RASSF8: variants seen among roughly 807,000 people sequenced by gnomAD.
RASSF8 encodes ras association domain-containing protein 8.
Under a neutral mutation model 48.5 loss-of-function variants are expected in RASSF8, and 22 were observed. The observed-to-expected ratio is 0.45, with a 90% CI of 0.32 to 0.65. RASSF8 has a LOEUF of 0.65. Ranked by LOEUF, RASSF8 falls within the 30% of genes least tolerant of loss-of-function variation. The probability of loss-of-function intolerance (pLI) is 0.03; values close to 1 mark genes in which losing one functional copy is unlikely to be tolerated. For synonymous variants in RASSF8, 127 were observed against 171.5 expected (o/e 0.74, Z 2.03); for missense variants, 418 against 489.2 (o/e 0.85, Z 1.37).
intron 2 of RASSF8, among the ~76,000 whole-genome samples, chr12:26,052,135 A>G (rs1943504611): frequency 6.6e-6 from 1 of 152,246 alleles, no homozygotes; most frequent in Non-Finnish European, 1.5e-5. Context: ...CGTATCCACA[A>G]ATAACCCTGA....
rs1259721835 is a variant in RASSF8, at chr12:26,069,868, A to T, written c.*1050A>T. 10 of 984,544 alleles carry T rather than the reference A, an allele frequency of 1.0e-5. No homozygotes were observed. The highest frequency in any genetic ancestry group is 1.2e-5 in the Non-Finnish European group (10 of 829,112). 61.0% of individuals were successfully genotyped at this position (984,544 alleles called of 1,614,324 possible). On this transcript the variant is annotated 3_prime_UTR_variant, in exon 6 of 6. Coordinates refer to ENST00000689635, the MANE Select transcript of RASSF8 (RefSeq NM_001394098.1). Reference sequence around the variant, plus strand: ...GGTTTCTTCCAGTCACTTAGATGGAAAGGAGGTTAAACCTAGGTACTTTTT... The same window carrying T: ...GGTTTCTTCCAGTCACTTAGATGGATAGGAGGTTAAACCTAGGTACTTTTT...
chr12:26,038,225 G>A (rs532573236), intron 2 of RASSF8, among the ~76,000 whole-genome samples: 10 of 152,088 alleles, frequency 6.6e-5, no homozygotes, highest in African/African-American at 1.4e-4. Flanking sequence ...TCATGATCAC[G>A]GTCTCAGAGA....
chr12:26,025,918 A>C (rs1458853767), intron 2 of RASSF8, among the ~76,000 whole-genome samples: 1 of 152,160 alleles, frequency 6.6e-6, no homozygotes, highest in Non-Finnish European at 1.5e-5. Flanking sequence ...TCTCATGTTC[A>C]TGGATCTGTT....
Position 26,045,160 on chromosome 12 carries a change from T to G in RASSF8, c.-108-10076T>G, listed in dbSNP as rs143787563. On this transcript the variant is annotated intron_variant, in intron 2 of 5. Coordinates refer to ENST00000689635, the MANE Select transcript of RASSF8 (RefSeq NM_001394098.1). ...CTTTTCAAATTGTTTGAATGGACACTTTTTTTGTTCTCTATGAACTGAAAT... is the reference window on the plus strand; with the variant it reads ...CTTTTCAAATTGTTTGAATGGACACGTTTTTTGTTCTCTATGAACTGAAAT... 1.5e-3 allele frequency among the ~76,000 whole-genome samples: 234 copies of G among 152,292 alleles called. 1 individual carries two copies. Among genetic ancestry groups the G allele is most frequent in the African/African-American group, 5.3e-3 (222 of 41,576 alleles).
At chr12:25,994,224 G>T (rs1942078646) in intron 1 of RASSF8, among the ~76,000 whole-genome samples, 1 of 151,856 alleles carries the variant, frequency 6.6e-6, no homozygotes, top group South Asian at 2.1e-4. Context: ...TTTAACATTT[G>T]GGGGCGGTAT....
Position 26,001,110 on chromosome 12 carries a change from G to C in RASSF8, c.-109+5980G>C, listed in dbSNP as rs79194626. Reference sequence around the variant, plus strand: ...AGTGATCCTCCCGCTTCAGCCTATCGAGTAGCTGGGACTACAAGTGCATTT... The same window carrying C: ...AGTGATCCTCCCGCTTCAGCCTATCCAGTAGCTGGGACTACAAGTGCATTT... On this transcript the variant is annotated intron_variant, in intron 2 of 5. Coordinates refer to ENST00000689635, the MANE Select transcript of RASSF8 (RefSeq NM_001394098.1). Among the ~76,000 whole-genome samples, 217 of 147,852 alleles carry C rather than the reference G, an allele frequency of 1.5e-3. 1 individual carries two copies. Among genetic ancestry groups the C allele is most frequent in the African/African-American group, 5.2e-3 (208 of 40,074 alleles).
At chr12:26,035,474 T>C (rs868540875) in intron 2 of RASSF8, among the ~76,000 whole-genome samples, 3 of 112,306 alleles carry the variant, frequency 2.7e-5, no homozygotes, top group African/African-American at 8.7e-5. Flanking sequence ...AATTATATTA[T>C]ATAATTATAT....
rs75317092 is a variant in RASSF8, at chr12:25,998,897, A to G, written c.-109+3767A>G. Among the ~76,000 whole-genome samples the G allele has an allele frequency of 3.1e-3, 466 of 152,348 alleles. 6 individuals carry two copies. Among genetic ancestry groups the G allele is most frequent in the African/African-American group, 0.011 (446 of 41,578 alleles). ...AAATCAGTTTACCGGGAAAATGTGA[A>G]GGAAAATAACATCACTCCTCTCAAT... On this transcript the variant is annotated intron_variant, in intron 2 of 5. Transcript: ENST00000689635.
At chr12:26,045,015 A>C (rs116707352) in intron 2 of RASSF8, among the ~76,000 whole-genome samples, 1,725 of 152,312 alleles carry the variant, frequency 0.011, 37 homozygotes, top group African/African-American at 0.04. Flanking sequence ...CAAAGGATGT[A>C]CCTATTTTTG....
At chr12:26,078,819 A>G (rs1944092784) in intron 5 of RASSF8, among the ~76,000 whole-genome samples, 1 of 152,198 alleles carries the variant, frequency 6.6e-6, no homozygotes, top group African/African-American at 2.4e-5. Context: ...ATGTATTTTT[A>G]AAATTCAGGA....
chr12:25,997,271 C>T (rs1487673792), intron 2 of RASSF8, among the ~76,000 whole-genome samples: 3 of 152,088 alleles, frequency 2.0e-5, no homozygotes, highest in Admixed American at 6.6e-5. Flanking sequence ...CTTTCTAGTA[C>T]CTTCCCATAA....
intron 2 of RASSF8, among the ~76,000 whole-genome samples, chr12:26,045,583 T>A (rs1943355338): frequency 6.6e-6 from 1 of 152,226 alleles, no homozygotes; most frequent in African/African-American, 2.4e-5. Context: ...AAGCCACCAC[T>A]GTAGTCCTCA....
At position 26,065,331 on chromosome 12, in the gene RASSF8, GA is replaced by G. The variant is rs763951711; in HGVS notation, c.941del (p.Asn314MetfsTer27). The G allele has an allele frequency of 6.2e-7, 1 of 1,614,062 alleles. No individual in the cohort carries two copies. The highest frequency in any genetic ancestry group is 8.5e-7 in the Non-Finnish European group (1 of 1,179,980). The stretch of plus-strand genomic sequence containing the variant: ...TCAAGGCCAGCAGAGTCTGAGGTTG[GA>G]AAATGGCATCAAAGCTGTGGAAAGA... ...DIQGQQSLRL[E>X]NGIKAVERSL... On this transcript the variant is annotated frameshift_variant, in exon 4 of 6. Coordinates refer to ENST00000689635, the MANE Select transcript of RASSF8 (RefSeq NM_001394098.1). LOFTEE classifies it high-confidence loss of function.
intron 2 of RASSF8, among the ~76,000 whole-genome samples, chr12:26,039,900 CA>C (rs1455790461): frequency 6.6e-6 from 1 of 152,178 alleles, no homozygotes; most frequent in Non-Finnish European, 1.5e-5. Context: ...TAACTTTAGA[CA>C]GAGAAATAAT....
At chr12:26,031,450 C>T (rs1943028769) in intron 2 of RASSF8, among the ~76,000 whole-genome samples, 1 of 152,186 alleles carries the variant, frequency 6.6e-6, no homozygotes, top group Non-Finnish European at 1.5e-5. Context: ...ACTCAATCAG[C>T]AGCCCTTTGT....
intron 2 of RASSF8, among the ~76,000 whole-genome samples, chr12:26,039,340 G>A (rs1382361220): frequency 1.3e-5 from 2 of 152,130 alleles, no homozygotes; most frequent in Non-Finnish European, 2.9e-5. Context: ...GGTGGGCAGA[G>A]TTCTGATTTC....
chr12:25,993,955 A>G (rs1042190165), intron 1 of RASSF8, among the ~76,000 whole-genome samples: 1 of 152,232 alleles, frequency 6.6e-6, no homozygotes, highest in Non-Finnish European at 1.5e-5. Flanking sequence ...TGGCATTTTT[A>G]TAACAACTAT....
chr12:26,078,846 T>C (rs939520492), intron 5 of RASSF8, among the ~76,000 whole-genome samples: 2 of 152,146 alleles, frequency 1.3e-5, no homozygotes, highest in Non-Finnish European at 2.9e-5. Context: ...ACAAAAATAA[T>C]TCATTGTCAA....
At chr12:25,988,799 G>T (rs1388724767) in intron 1 of RASSF8, among the ~76,000 whole-genome samples, 1 of 152,120 alleles carries the variant, frequency 6.6e-6, no homozygotes, top group Non-Finnish European at 1.5e-5. Flanking sequence ...GGGATTCCAT[G>T]GTATGGTAGG....
Sources: gnomAD v4.1 joint callset for allele counts (sites outside exome capture counted in the v4.1 genomes callset) on GRCh38, gnomAD v4.1.1 for gene constraint, MANE v1.5 for transcripts, NCBI Gene and HGNC (gene_info 2026-07-23, HGNC 2026-07-21) for gene names.